TMUB1: variants seen among roughly 807,000 people sequenced by gnomAD.
TMUB1 encodes transmembrane and ubiquitin like domain containing 1.
A neutral mutation model predicts 16.2 loss-of-function variants in TMUB1; 9 were observed. That is an observed-to-expected ratio of 0.55 (90% CI 0.33 to 0.97). The LOEUF is 0.97. Among genes scored for constraint, TMUB1 ranks in the 50% least tolerant of loss-of-function variants. TMUB1 has a pLI of 0.03. For synonymous variants in TMUB1, 155 were observed against 152.2 expected, an observed-to-expected ratio of 1.02 and a Z score of -0.13; for missense variants, 309 against 313.5, an observed-to-expected ratio of 0.99 and a Z score of 0.11.
At position 151,081,697 on chromosome 7, in the gene TMUB1, A is replaced by C; in HGVS notation, c.593T>G (p.Leu198Arg). 6.3e-7 allele frequency: 1 copy of C among 1,583,452 alleles called. No homozygotes were observed. The highest frequency in any genetic ancestry group is 8.6e-7 in the Non-Finnish European group (1 of 1,165,468). The change falls in exon 3 of 3, where the codon CTG (leucine) becomes CGG (arginine). Residue 198 changes from leucine (L) to arginine (R), a missense_variant. Coordinates refer to ENST00000297533, the MANE Select transcript of TMUB1 (RefSeq NM_001136044.2). This position sits in a 1 kb window ranked among gnomAD's most constrained non-coding sequence, Gnocchi z 7.6. Reference protein sequence around the residue: ...PGPSGLEIGSLLLPLLLLLLL... With the variant: ...PGPSGLEIGSRLLPLLLLLLL... ...CAGCAGGAGCAGCAGGGGCAGCAGC[A>C]GGCTGCCGATTTCCAGCCCGGAGGG...
Position 151,081,438 on chromosome 7 carries a change from G to A in TMUB1, c.*111C>T. On this transcript the variant is annotated 3_prime_UTR_variant, in exon 3 of 3. Coordinates refer to ENST00000297533, the MANE Select transcript of TMUB1 (RefSeq NM_001136044.2). This position sits in a 1 kb window ranked among gnomAD's most constrained non-coding sequence, Gnocchi z 7.6. ...CGGCGCAGGGCTGGGCTCCAGGGCG[G>A]CGGGAAGAGGCAGGCCGGAGAGGCG... 1 of 1,363,436 alleles carries A rather than the reference G, an allele frequency of 7.3e-7. No individual in the cohort carries two copies. Among genetic ancestry groups the A allele is most frequent in the Non-Finnish European group, 9.4e-7 (1 of 1,058,730 alleles). 84.5% of individuals were successfully genotyped at this position (1,363,436 alleles called of 1,614,324 possible).
rs1797980404 is a variant in TMUB1, at chr7:151,081,401, G to A, written c.*148C>T. On this transcript the variant is annotated 3_prime_UTR_variant, in exon 3 of 3. Transcript: ENST00000297533. The surrounding 1 kb of genome is among the most constrained non-coding windows in gnomAD (Gnocchi z 7.6). ...GCAGGGCGGGGCCTCCGCCAGTCCC[G>A]GGAGTCCTCTGCGGCGCAGGGCTGG... is the stretch of plus-strand genomic sequence containing the variant. The A allele has an allele frequency of 3.2e-6, 4 of 1,248,220 alleles. No homozygotes were observed. Among genetic ancestry groups the A allele is most frequent in the African/African-American group, 3.2e-5 (2 of 63,226 alleles). The allele number at this position is 1,248,220 out of a possible 1,614,324, so 77.3% of individuals were successfully genotyped here. A position where few individuals can be genotyped will look rare whatever the true frequency, so the allele number is the denominator to read the frequency against.
At position 151,083,138 on chromosome 7, in the gene TMUB1, C is replaced by T. The variant is rs567872423; in HGVS notation, c.-31+296G>A. On this transcript the variant is annotated intron_variant, in intron 1 of 2. Transcript: ENST00000297533. This position sits in a 1 kb window ranked among gnomAD's most constrained non-coding sequence, Gnocchi z 5.9. ...CCCACAGCAAACGTCAAACTCCGCC[C>T]CTGGGCAATCTGGAGCCACCGAGCG... 1 of 152,184 alleles carries T rather than the reference C, an allele frequency of 6.6e-6. No homozygotes were observed. The highest frequency in any genetic ancestry group is 1.9e-4 in the East Asian group (1 of 5,154). 9.4% of individuals were successfully genotyped at this position (152,184 alleles called of 1,614,324 possible).
Position 151,082,517 on chromosome 7 carries a change from G to C in TMUB1, c.47C>G (p.Ser16Trp), listed in dbSNP as rs745621098. The change falls in exon 2 of 3, where the codon TCG (serine) becomes TGG (tryptophan). Residue 16 changes from serine (S) to tryptophan (W), a missense_variant. Transcript: ENST00000297533. This position sits in a 1 kb window ranked among gnomAD's most constrained non-coding sequence, Gnocchi z 7.0. ...CAGCACCAGAAGGCAGGCAAGCACCGAGAAAAGGACGGTCACCTCATCACC... is the reference window on the plus strand; with the variant it reads ...CAGCACCAGAAGGCAGGCAAGCACCCAGAAAAGGACGGTCACCTCATCACC... ...GVGDEVTVLF[S>W]VLACLLVLAL... The C allele has an allele frequency of 3.9e-6, 6 of 1,541,864 alleles. No homozygotes were observed. Among genetic ancestry groups the C allele is most frequent in the Non-Finnish European group, 5.2e-6 (6 of 1,143,734 alleles).
chr7:151,082,473 T>C lies in TMUB1; in HGVS notation c.91A>G (p.Thr31Ala). The C allele has an allele frequency of 6.3e-7, 1 of 1,597,178 alleles. No individual in the cohort carries two copies. The highest frequency in any genetic ancestry group is 2.3e-5 in the East Asian group (1 of 44,112). ...GGGTCCCCGCCCTCAGCGGTGTGCG[T>C]TGAGACCCAGGCAAGGGCCAGCACC... Reference protein sequence around the residue: ...LLVLALAWVSTHTAEGGDPLP... With the variant: ...LLVLALAWVSAHTAEGGDPLP... Residue 31 changes from threonine to alanine, a missense_variant, in exon 2 of 3, where the codon ACG (threonine) becomes GCG (alanine). Physicochemically the swap from Thr to Ala is moderately conservative, Grantham distance 58. Coordinates refer to ENST00000297533, the MANE Select transcript of TMUB1 (RefSeq NM_001136044.2). The surrounding 1 kb of genome is among the most constrained non-coding windows in gnomAD (Gnocchi z 7.0).
At position 151,081,981 on chromosome 7, in the gene TMUB1, C is replaced by T. The variant is rs1032694791; in HGVS notation, c.390-81G>A. ...GCCCCGGAACAGCACTCCCACCCTC[C>T]CCCTGCCCTCCACAACACACCGGCC... On this transcript the variant is annotated intron_variant, in intron 2 of 2. Transcript: ENST00000297533. This position sits in a 1 kb window ranked among gnomAD's most constrained non-coding sequence, Gnocchi z 7.6. 6.4e-6 allele frequency: 9 copies of T among 1,413,450 alleles called. No individual in the cohort carries two copies. Among genetic ancestry groups the T allele is most frequent in the Non-Finnish European group, 7.5e-6 (8 of 1,065,118 alleles). The allele number at this position is 1,413,450 out of a possible 1,614,324, so 87.6% of individuals were successfully genotyped here. A position where few individuals can be genotyped will look rare whatever the true frequency, so the allele number is the denominator to read the frequency against.
rs917413672 is a variant in TMUB1, at chr7:151,081,635, G to T, written c.655C>A (p.Pro219Thr). The T allele has an allele frequency of 1.1e-5, 18 of 1,601,350 alleles. No individual in the cohort carries two copies. Among genetic ancestry groups the T allele is most frequent in the Non-Finnish European group, 1.5e-5 (18 of 1,174,290 alleles). ...AGAGTGGCGGTCAGGGGAAAGAAGG[G>T]CCGGTACTGGATCTGGCAGTACCAG... ...LLWYCQIQYR[P>T]FFPLTATLGL... The change falls in exon 3 of 3, where the codon CCC (proline) becomes ACC (threonine). Residue 219 changes from proline (P) to threonine (T), a missense_variant. Physicochemically the swap from Pro to Thr is conservative, Grantham distance 38. Coordinates refer to ENST00000297533, the MANE Select transcript of TMUB1 (RefSeq NM_001136044.2). This position sits in a 1 kb window ranked among gnomAD's most constrained non-coding sequence, Gnocchi z 7.6.
chr7:151,082,116 C>T lies in TMUB1; in HGVS notation c.389+59G>A, dbSNP rs1798008845. The stretch of plus-strand genomic sequence containing the variant: ...GGTCTTAGGTGTCTCTGGGGGCCTT[C>T]TGCGACCACTCTCCCAACCCCTGTC... On this transcript the variant is annotated intron_variant, in intron 2 of 2. Coordinates refer to ENST00000297533, the MANE Select transcript of TMUB1 (RefSeq NM_001136044.2). The surrounding 1 kb of genome is among the most constrained non-coding windows in gnomAD (Gnocchi z 7.0). The T allele has an allele frequency of 1.3e-6, 2 of 1,488,190 alleles. No homozygotes were observed. Among genetic ancestry groups the T allele is most frequent in the Admixed American group, 2.4e-5 (1 of 41,266 alleles). The allele number at this position is 1,488,190 out of a possible 1,614,324, so 92.2% of individuals were successfully genotyped here. A position where few individuals can be genotyped will look rare whatever the true frequency, so the allele number is the denominator to read the frequency against.
Position 151,081,759 on chromosome 7 carries a change from G to A in TMUB1, c.531C>T (p.Pro177=). Residue 177 remains proline (P), a synonymous_variant, in exon 3 of 3, where the codon CCC becomes CCT. Coordinates refer to ENST00000297533, the MANE Select transcript of TMUB1 (RefSeq NM_001136044.2). This position sits in a 1 kb window ranked among gnomAD's most constrained non-coding sequence, Gnocchi z 7.6. ...ACCCCGGCGGGCAGGGGGGATTTGG[G>A]GGACCGACTCTCGTGGACACGTGGC... ...LHCHVSTRVG[P]PNPPCPPGSE... is the part of the protein sequence containing the mutation. The A allele has an allele frequency of 6.3e-7, 1 of 1,593,954 alleles. No homozygotes were observed. Among genetic ancestry groups the A allele is most frequent in the Non-Finnish European group, 8.5e-7 (1 of 1,171,706 alleles).
chr7:151,082,402 T>G lies in TMUB1; in HGVS notation c.162A>C (p.Ala54=). The G allele has an allele frequency of 6.2e-7, 1 of 1,605,934 alleles. No homozygotes were observed. The highest frequency in any genetic ancestry group is 2.2e-5 in the East Asian group (1 of 44,584). ...TCATGCTGTCGGTAGCTGCCATGGCTGCGCTGGGCTGGGATGGCGTTGGGG... is the reference window on the plus strand; with the variant it reads ...TCATGCTGTCGGTAGCTGCCATGGCGGCGCTGGGCTGGGATGGCGTTGGGG... ...SGTPTPSQPS[A]AMAATDSMRG... The change falls in exon 2 of 3, where the codon GCA becomes GCC. Residue 54 remains alanine, a synonymous_variant. Coordinates refer to ENST00000297533, the MANE Select transcript of TMUB1 (RefSeq NM_001136044.2). The surrounding 1 kb of genome is among the most constrained non-coding windows in gnomAD (Gnocchi z 7.0).
rs566745055 is a variant in TMUB1, at chr7:151,082,457, C to T, written c.107G>A (p.Gly36Asp). 7 of 1,606,128 alleles carry T rather than the reference C, an allele frequency of 4.4e-6. No individual in the cohort carries two copies. In the South Asian group the frequency reaches 7.7e-5, roughly 18 times the overall value. The change falls in exon 2 of 3, where the codon GGC becomes GAC. Residue 36 changes from glycine to aspartate, a missense_variant. Physicochemically the swap from Gly to Asp is moderately conservative, Grantham distance 94. Coordinates refer to ENST00000297533, the MANE Select transcript of TMUB1 (RefSeq NM_001136044.2). This position sits in a 1 kb window ranked among gnomAD's most constrained non-coding sequence, Gnocchi z 7.0. ...TGACGGCTGGGGCAGTGGGTCCCCG[C>T]CCTCAGCGGTGTGCGTTGAGACCCA... ...LAWVSTHTAEGGDPLPQPSGT... is the reference protein window; with the variant it reads ...LAWVSTHTAEDGDPLPQPSGT...
In TMUB1 at chr7:151,083,344, G is replaced by A. The variant is rs1436994313; in HGVS notation, c.-31+90C>T. On this transcript the variant is annotated intron_variant, in intron 1 of 2. Transcript: ENST00000297533. This position sits in a 1 kb window ranked among gnomAD's most constrained non-coding sequence, Gnocchi z 5.9. ...CTCTCATCACCCCTCCCACCTTCCC[G>A]CCCCCCGAAGCCGCAGGAGGGCACG... 8.4e-6 allele frequency: 1 copy of A among 119,208 alleles called. No homozygotes were observed. Among genetic ancestry groups the A allele is most frequent in the Admixed American group, 8.3e-5 (1 of 11,980 alleles). 7.4% of individuals were successfully genotyped at this position (119,208 alleles called of 1,614,324 possible).
In TMUB1 at chr7:151,082,463, G is replaced by T. The variant is rs772168381; in HGVS notation, c.101C>A (p.Ala34Asp). ...CTGGGGCAGTGGGTCCCCGCCCTCA[G>T]CGGTGTGCGTTGAGACCCAGGCAAG... ...LALAWVSTHT[A>D]EGGDPLPQPS... The change falls in exon 2 of 3, where the codon GCT (alanine) becomes GAT (aspartate). Residue 34 changes from alanine (A) to aspartate (D), a missense_variant. By Grantham distance (126) the Ala-to-Asp change is moderately radical. Transcript: ENST00000297533. The surrounding 1 kb of genome is among the most constrained non-coding windows in gnomAD (Gnocchi z 7.0). 3.1e-6 allele frequency: 5 copies of T among 1,604,858 alleles called. No individual in the cohort carries two copies. Among genetic ancestry groups the T allele is most frequent in the Admixed American group, 1.7e-5 (1 of 58,774 alleles).
At position 151,082,692 on chromosome 7, in the gene TMUB1, C is replaced by T. The variant is rs533825008; in HGVS notation, c.-30-99G>A. On this transcript the variant is annotated intron_variant, in intron 1 of 2. Coordinates refer to ENST00000297533, the MANE Select transcript of TMUB1 (RefSeq NM_001136044.2). The surrounding 1 kb of genome is among the most constrained non-coding windows in gnomAD (Gnocchi z 7.0). Reference sequence around the variant, plus strand: ...CCTCACCCCACCGCGACGCTCCCACCGTCCTCAGCCTCCGTCCCCTCACCC... The same window carrying T: ...CCTCACCCCACCGCGACGCTCCCACTGTCCTCAGCCTCCGTCCCCTCACCC... 4 of 997,296 alleles carry T rather than the reference C, an allele frequency of 4.0e-6. No homozygotes were observed. The highest frequency in any genetic ancestry group is 5.3e-6 in the Non-Finnish European group (4 of 753,424). 61.8% of individuals were successfully genotyped at this position (997,296 alleles called of 1,614,324 possible).
chr7:151,082,109 G>C lies in TMUB1; in HGVS notation c.389+66C>G. The C allele has an allele frequency of 6.7e-7, 1 of 1,483,808 alleles. No individual in the cohort carries two copies. Among genetic ancestry groups the C allele is most frequent in the Non-Finnish European group, 9.0e-7 (1 of 1,116,814 alleles). The allele number at this position is 1,483,808 out of a possible 1,614,324, so 91.9% of individuals were successfully genotyped here. A position where few individuals can be genotyped will look rare whatever the true frequency, so the allele number is the denominator to read the frequency against. ...AGGGCTGGGTCTTAGGTGTCTCTGG[G>C]GGCCTTCTGCGACCACTCTCCCAAC... On this transcript the variant is annotated intron_variant, in intron 2 of 2. Transcript: ENST00000297533. This position sits in a 1 kb window ranked among gnomAD's most constrained non-coding sequence, Gnocchi z 7.0.
chr7:151,081,610 A>G lies in TMUB1; in HGVS notation c.680T>C (p.Leu227Pro). The change falls in exon 3 of 3, where the codon CTG becomes CCG. Residue 227 changes from leucine (L) to proline (P), a missense_variant. Transcript: ENST00000297533. This position sits in a 1 kb window ranked among gnomAD's most constrained non-coding sequence, Gnocchi z 7.6. Reference protein sequence around the residue: ...YRPFFPLTATLGLAGFTLLLS... With the variant: ...YRPFFPLTATPGLAGFTLLLS... ...GAGCAGGGTGAAGCCGGCCAGGCCC[A>G]GAGTGGCGGTCAGGGGAAAGAAGGG... 1.2e-6 allele frequency: 2 copies of G among 1,606,674 alleles called. No individual in the cohort carries two copies. Among genetic ancestry groups the G allele is most frequent in the Non-Finnish European group, 1.7e-6 (2 of 1,177,200 alleles).
Position 151,081,559 on chromosome 7 carries a change from T to C in TMUB1, c.731A>G (p.Tyr244Cys), listed in dbSNP as rs1797986389. The stretch of plus-strand genomic sequence containing the variant: ...GCGCCCGCGGAGGCACTACGGGCGG[T>C]ACATGGCAAAGGCCAGGAGACTGAG... ...LLLSLLAFAM[Y>C]RP Residue 244 changes from tyrosine (Y) to cysteine (C), a missense_variant, in exon 3 of 3, where the codon TAC (tyrosine) becomes TGC (cysteine). Transcript: ENST00000297533. The surrounding 1 kb of genome is among the most constrained non-coding windows in gnomAD (Gnocchi z 7.6). 1 of 1,599,778 alleles carries C rather than the reference T, an allele frequency of 6.3e-7. No homozygotes were observed. The highest frequency in any genetic ancestry group is 1.3e-5 in the African/African-American group (1 of 74,438).
Position 151,081,887 on chromosome 7 carries a change from C to A in TMUB1, c.403G>T (p.Gly135Cys). The A allele has an allele frequency of 2.0e-6, 3 of 1,481,592 alleles. No homozygotes were observed. The highest frequency in any genetic ancestry group is 2.4e-5 in the East Asian group (1 of 42,162). 91.8% of individuals were successfully genotyped at this position (1,481,592 alleles called of 1,614,324 possible). A position where few individuals can be genotyped will look rare whatever the true frequency, so the allele number is the denominator to read the frequency against. The change falls in exon 3 of 3, where the codon GGC becomes TGC. Residue 135 changes from glycine (G) to cysteine (C), a missense_variant. Transcript: ENST00000297533. This position sits in a 1 kb window ranked among gnomAD's most constrained non-coding sequence, Gnocchi z 7.6. ...ATGAGTCGCACCTGCTGTTCCCGGC[C>A]GGGAAACTGGGTCCTGAGGAGAGAG... The part of the protein sequence containing the change: ...IGSLKRTQFP[G>C]REQQVRLIYQ...
At position 151,081,352 on chromosome 7, in the gene TMUB1, A is replaced by C; in HGVS notation, c.*197T>G. On this transcript the variant is annotated 3_prime_UTR_variant, in exon 3 of 3. Transcript: ENST00000297533. This position sits in a 1 kb window ranked among gnomAD's most constrained non-coding sequence, Gnocchi z 7.6. ...CGGGCTGAGGGTCAGCAGCCCCGGG[A>C]GGTGGCCCCGAGCCCCGGCGGTCGC... The C allele has an allele frequency of 1.0e-6, 1 of 984,904 alleles. No homozygotes were observed. The allele number at this position is 984,904 out of a possible 1,614,324, so 61.0% of individuals were successfully genotyped here.
Sources: allele counts gnomAD v4.1 joint callset, GRCh38; gene constraint gnomAD v4.1.1; non-coding constraint Gnocchi (gnomAD v3.1); transcripts MANE v1.5; gene names NCBI Gene and HGNC (gene_info 2026-07-23, HGNC 2026-07-21).